Variants in B3GAT2 observed in about 807,000 individuals in gnomAD.
B3GAT2 encodes galactosylgalactosylxylosylprotein 3-beta-glucuronosyltransferase 2.
Under a neutral mutation model 27.8 loss-of-function variants are expected in B3GAT2, and 26 were observed. The ratio of observed to expected loss-of-function variants is 0.93; its 90% CI spans 0.68 to 1.30. The LOEUF (loss-of-function observed/expected upper bound fraction) is 1.30, where lower values mean the gene tolerates loss of function less well. B3GAT2 is among the 50% of genes most tolerant of loss of function. The probability of loss-of-function intolerance (pLI) is 0.00; values close to 1 mark genes in which losing one functional copy is unlikely to be tolerated. For missense variants in B3GAT2, 458 were observed against 459.0 expected, an observed-to-expected ratio of 1.00 and a Z score of 0.02; for synonymous variants, 218 against 195.1, an observed-to-expected ratio of 1.12 and a Z score of -0.98.
intron 2 of B3GAT2, 121 bp from the exon 3 acceptor site, chr6:70,862,099 GT>G: frequency 1.1e-6 from 1 of 891,094 alleles, no homozygotes; most frequent in Non-Finnish European, 1.7e-6. Flanking sequence ...TCAGGTCTTG[GT>G]TTACAAAGTT....
chr6:70,918,534 G>A (rs538860325), intron 1 of B3GAT2, among the ~76,000 whole-genome samples: 93 of 152,222 alleles, frequency 6.1e-4, no homozygotes, highest in Non-Finnish European at 1.2e-3. Context: ...GGCTGGTACC[G>A]GTTGTTCCTT....
intron 2 of B3GAT2, among the ~76,000 whole-genome samples, chr6:70,867,016 A>C (rs1354151393): frequency 1.3e-5 from 2 of 152,220 alleles, no homozygotes; most frequent in Admixed American, 1.3e-4. Flanking sequence ...ATACAAAGAT[A>C]CCTGGAAAAT....
chr6:70,891,603 T>C (rs2150030577), intron 2 of B3GAT2, among the ~76,000 whole-genome samples: 1 of 152,278 alleles, frequency 6.6e-6, no homozygotes, highest in Non-Finnish European at 1.5e-5. Flanking sequence ...TCTGAGGGGC[T>C]TCTACTGAAT....
chr6:70,895,209 G>C (rs1031105035), intron 1 of B3GAT2, among the ~76,000 whole-genome samples: 14 of 152,192 alleles, frequency 9.2e-5, no homozygotes, highest in Non-Finnish European at 1.3e-4. Flanking sequence ...CTGCACAACT[G>C]CATGAGGTGG....
chr6:70,953,057 A>T (rs1415074473), intron 1 of B3GAT2, among the ~76,000 whole-genome samples: 1 of 152,244 alleles, frequency 6.6e-6, no homozygotes, highest in Non-Finnish European at 1.5e-5. Flanking sequence ...AACCATGGAA[A>T]TTAGAAGCAC....
chr6:70,923,225 A>G (rs1373701909), intron 1 of B3GAT2, among the ~76,000 whole-genome samples: 2 of 152,226 alleles, frequency 1.3e-5, no homozygotes, highest in African/African-American at 2.4e-5. Flanking sequence ...GTTTAAAACA[A>G]AAAGACACAT....
rs68188898 is a variant in B3GAT2, at chr6:70,858,287, CTTTTTT to C, written c.*3370_*3375del. On this transcript the variant is annotated 3_prime_UTR_variant, in exon 4 of 4. Coordinates refer to ENST00000230053, the MANE Select transcript of B3GAT2 (RefSeq NM_080742.3). ...ATCAAACCAGATTTATTTTCTAAATCTTTTTTTTTTTTTTTTTTTTTTTTTTTTAAG... is the reference window on the plus strand; with the variant it reads ...ATCAAACCAGATTTATTTTCTAAATCTTTTTTTTTTTTTTTTTTTTTTAAG... The C allele has an allele frequency of 2.5e-3, 724 of 290,328 alleles. 3 individuals carry two copies. The highest frequency in any genetic ancestry group is 0.018 in the African/African-American group (411 of 23,060). The allele number at this position is 290,328 out of a possible 1,614,324, so 18.0% of individuals were successfully genotyped here. A position where few individuals can be genotyped will look rare whatever the true frequency, so the allele number is the denominator to read the frequency against.
At chr6:70,922,577 A>C (rs538068607) in intron 1 of B3GAT2, among the ~76,000 whole-genome samples, 2 of 152,108 alleles carry the variant, frequency 1.3e-5, no homozygotes, top group Non-Finnish European at 2.9e-5. Flanking sequence ...TTATTTAGTA[A>C]AATTATTTTT....
chr6:70,897,493 C>G (rs566511215), intron 1 of B3GAT2, among the ~76,000 whole-genome samples: 37 of 151,792 alleles, frequency 2.4e-4, no homozygotes, highest in African/African-American at 8.9e-4. Context: ...TTCCAGCACA[C>G]TTTGGGAGGT....
intron 2 of B3GAT2, among the ~76,000 whole-genome samples, chr6:70,889,358 T>C (rs919963738): frequency 3.3e-5 from 5 of 152,094 alleles, no homozygotes; most frequent in African/African-American, 1.2e-4. Flanking sequence ...TTCCTACTCA[T>C]TTGCTGCCGC....
rs200257936 is a variant in B3GAT2, at chr6:70,926,450, AT to A, written c.591+29388del. ...GGAAAAACGATTAGACAAATGGCTA[AT>A]TACAATAAACAGCATAGAGAAGATC... On this transcript the variant is annotated intron_variant, in intron 1 of 3. Coordinates refer to ENST00000230053, the MANE Select transcript of B3GAT2 (RefSeq NM_080742.3). Among the ~76,000 whole-genome samples, 157 of 152,328 alleles carry A rather than the reference AT, an allele frequency of 1.0e-3. 3 individuals carry two copies. The East Asian group carries it at 0.028, about 27-fold the overall frequency.
At chr6:70,939,431 T>G (rs1765350436) in intron 1 of B3GAT2, among the ~76,000 whole-genome samples, 1 of 150,924 alleles carries the variant, frequency 6.6e-6, no homozygotes, top group South Asian at 2.1e-4. Flanking sequence ...CATGCTGCTA[T>G]AAAGACACAT....
At chr6:70,864,925 T>C (rs552596879) in intron 2 of B3GAT2, among the ~76,000 whole-genome samples, 2 of 152,152 alleles carry the variant, frequency 1.3e-5, no homozygotes, top group African/African-American at 4.8e-5. Context: ...TTTTCTGCCC[T>C]GGTCAGCTGA....
At chr6:70,930,564 A>G (rs1773044734) in intron 1 of B3GAT2, among the ~76,000 whole-genome samples, 1 of 151,614 alleles carries the variant, frequency 6.6e-6, no homozygotes, top group African/African-American at 2.4e-5. Flanking sequence ...AAAGACATGC[A>G]GCCAACAGAC....
In B3GAT2 at chr6:70,860,431, T is replaced by C. The variant is rs1310113226; in HGVS notation, c.*1232A>G. On this transcript the variant is annotated 3_prime_UTR_variant, in exon 4 of 4. Coordinates refer to ENST00000230053, the MANE Select transcript of B3GAT2 (RefSeq NM_080742.3). Reference sequence around the variant, plus strand: ...TTATTCATATGCATATTTTTTTTCTTTTTACCCATTTGTTCATATTAAGAA... The same window carrying C: ...TTATTCATATGCATATTTTTTTTCTCTTTACCCATTTGTTCATATTAAGAA... The C allele has an allele frequency of 7.1e-7, 1 of 1,414,056 alleles. No individual in the cohort carries two copies. The highest frequency in any genetic ancestry group is 2.5e-5 in the Admixed American group (1 of 39,886). 87.6% of individuals were successfully genotyped at this position (1,414,056 alleles called of 1,614,324 possible).
At chr6:70,879,832 T>TGGGA (rs1437587781) in intron 2 of B3GAT2, among the ~76,000 whole-genome samples, 1 of 151,860 alleles carries the variant, frequency 6.6e-6, no homozygotes, top group Non-Finnish European at 1.5e-5. Flanking sequence ...GATTGTGAGA[T>TGGGA]GGGACAGCAA....
In B3GAT2 at chr6:70,857,835, C is replaced by A; in HGVS notation, c.*3828G>T. On this transcript the variant is annotated 3_prime_UTR_variant, in exon 4 of 4. Transcript: ENST00000230053. ...ATTAAAATGTTTGCTGTGAGTAGTT[C>A]AGAAAGGCAATTTTTCTGTGATTAT... 1 of 1,479,512 alleles carries A rather than the reference C, an allele frequency of 6.8e-7. No homozygotes were observed. The highest frequency in any genetic ancestry group is 9.2e-7 in the Non-Finnish European group (1 of 1,090,824). The allele number at this position is 1,479,512 out of a possible 1,614,324, so 91.6% of individuals were successfully genotyped here.
At chr6:70,945,590 C>T (rs1031695885) in intron 1 of B3GAT2, among the ~76,000 whole-genome samples, 6 of 151,016 alleles carry the variant, frequency 4.0e-5, no homozygotes, top group Admixed American at 1.3e-4. Flanking sequence ...ACAAAATCTA[C>T]GTCTGATTGT....
chr6:70,900,753 C>T (rs543617853), intron 1 of B3GAT2, among the ~76,000 whole-genome samples: 396 of 152,278 alleles, frequency 2.6e-3, no homozygotes, highest in African/African-American at 9.0e-3. Flanking sequence ...TAGAGCAAAA[C>T]AGAAAAAGTT....
Sources: allele counts gnomAD v4.1 joint callset (sites outside exome capture counted in the v4.1 genomes callset), GRCh38; gene constraint gnomAD v4.1.1; transcripts MANE v1.5; gene names NCBI Gene and HGNC (gene_info 2026-07-23, HGNC 2026-07-21).